Variants in MTMR3 observed in about 807,000 individuals in gnomAD.
The protein encoded by MTMR3 is myotubularin related protein 3.
MTMR3 carries 32 observed loss-of-function variants against 132.4 expected under a neutral mutation model. That is an observed-to-expected ratio of 0.24 (90% confidence interval 0.18 to 0.32). The LOEUF is 0.32. Ranked by LOEUF, MTMR3 falls within the 10% of genes least tolerant of loss-of-function variation. The pLI is 1.00. For missense variants in MTMR3, 1,216 were observed against 1,489.6 expected (o/e 0.82, Z 3.02); for synonymous variants, 556 against 550.3 (o/e 1.01, Z -0.14).
intron 1 of MTMR3, among the ~76,000 whole-genome samples, chr22:29,907,816 G>A (rs977890858): frequency 6.6e-6 from 1 of 152,044 alleles, no homozygotes; most frequent in Non-Finnish European, 1.5e-5. Context: ...CTTTGAAGGA[G>A]TCTTCTGAAA....
rs1009963433 is a variant in MTMR3 at position 30,028,329 on chromosome 22, G to A, written c.*2528G>A. Reference sequence around the variant, plus strand: ...AGACTATGGGTGGGCAGAGAGAACTGGGGGCAGAAATGGAATTAGATGTGA... The same window carrying A: ...AGACTATGGGTGGGCAGAGAGAACTAGGGGCAGAAATGGAATTAGATGTGA... On this transcript the variant is annotated 3_prime_UTR_variant, in exon 20 of 20. Coordinates refer to ENST00000401950, the MANE Select transcript of MTMR3 (RefSeq NM_021090.4). 1 of 152,350 alleles carries A rather than the reference G, an allele frequency of 6.6e-6. No homozygotes were observed. The highest frequency in any genetic ancestry group is 2.4e-5 in the African/African-American group (1 of 41,438). The allele number at this position is 152,350 out of a possible 1,614,324, so 9.4% of individuals were successfully genotyped here. A position where few individuals can be genotyped will look rare whatever the true frequency, so the allele number is the denominator to read the frequency against.
intron 9 of MTMR3, chr22:30,004,590 T>C (rs1435967769): frequency 6.6e-6 from 1 of 152,210 alleles, no homozygotes; most frequent in Admixed American, 6.5e-5. Flanking sequence ...ATGAAAAATT[T>C]TATTTGCAGT....
intron 14 of MTMR3, chr22:30,016,167 G>A (rs1193665546): frequency 4.7e-6 from 1 of 212,036 alleles, no homozygotes; most frequent in African/African-American, 2.3e-5. Flanking sequence ...TTTGTAGAAT[G>A]AACAAGTAGT....
chr22:29,891,192 G>C (rs949953861), intron 1 of MTMR3, among the ~76,000 whole-genome samples: 11 of 151,850 alleles, frequency 7.2e-5, no homozygotes, highest in African/African-American at 2.7e-4. Flanking sequence ...ACTGATTATT[G>C]TGGACTTTAT....
intron 1 of MTMR3, among the ~76,000 whole-genome samples, chr22:29,898,894 T>G (rs1404298664): frequency 1.4e-5 from 2 of 145,814 alleles, no homozygotes; most frequent in Non-Finnish European, 3.0e-5. Context: ...AAAGAAAATT[T>G]ACAAAAATTT....
rs1213890114 is a variant in MTMR3 at position 30,013,472 on chromosome 22, G to A, written c.1434G>A (p.Gln478=). 2 of 1,614,062 alleles carry A rather than the reference G, an allele frequency of 1.2e-6. No homozygotes were observed. Among genetic ancestry groups the A allele is most frequent in the Non-Finnish European group, 1.7e-6 (2 of 1,180,022 alleles). The change falls in exon 14 of 20, where the codon CAG becomes CAA. Residue 478 remains glutamine (Q), a synonymous_variant. Transcript: ENST00000401950. ...ATGAACGTTGCCCAGTGTTTCTGCAGTGGCTTGACTGTGTTCATCAGCTTC... is the reference window on the plus strand; with the variant it reads ...ATGAACGTTGCCCAGTGTTTCTGCAATGGCTTGACTGTGTTCATCAGCTTC... ...DLNERCPVFL[Q]WLDCVHQLQR... is the part of the protein sequence containing the mutation.
Position 29,917,763 on chromosome 22 carries a change from A to G in MTMR3, c.-138+34404A>G, listed in dbSNP as rs76612530. 4.4e-3 allele frequency among the ~76,000 whole-genome samples: 676 copies of G among 152,342 alleles called. 6 individuals are homozygous for G. Among genetic ancestry groups the G allele is most frequent in the African/African-American group, 0.015 (638 of 41,576 alleles). ...CCATCATTGTTACTAGGTAAACAAT[A>G]GAAGCTTATAAAAATATTGTGCATT... On this transcript the variant is annotated intron_variant, in intron 1 of 19. Transcript: ENST00000401950.
At chr22:29,955,088 C>G (rs1281701937) in intron 1 of MTMR3, among the ~76,000 whole-genome samples, 1 of 152,102 alleles carries the variant, frequency 6.6e-6, no homozygotes, top group African/African-American at 2.4e-5. Flanking sequence ...CTCCCGGGCC[C>G]AAGCCATCCT....
intron 1 of MTMR3, among the ~76,000 whole-genome samples, chr22:29,896,479 C>T (rs1314968909): frequency 2.0e-5 from 3 of 152,090 alleles, no homozygotes; most frequent in African/African-American, 7.2e-5. Flanking sequence ...TCTGGCCGGC[C>T]ACTACACTCC....
At chr22:30,012,833 C>T (rs2067468660) in intron 13 of MTMR3, 3 of 312,236 alleles carry the variant, frequency 9.6e-6, no homozygotes, top group Non-Finnish European at 1.7e-5. Context: ...TTTTTAGCTA[C>T]CTCAGGAAAA....
At chr22:29,998,962 G>T in intron 8 of MTMR3, 105 bp downstream of exon 8, 2 of 650,632 alleles carry the variant, frequency 3.1e-6, no homozygotes, top group South Asian at 2.4e-5. Context: ...TATTTGAAAT[G>T]GTTTTATTTA....
intron 1 of MTMR3, among the ~76,000 whole-genome samples, chr22:29,930,695 AG>A (rs965002169): frequency 2.0e-5 from 3 of 151,814 alleles, no homozygotes; most frequent in Non-Finnish European, 4.4e-5. Flanking sequence ...CTGTCTTGAA[AG>A]AGAAAAAAGA....
intron 1 of MTMR3, among the ~76,000 whole-genome samples, chr22:29,927,656 T>A (rs2065543682): frequency 1.3e-5 from 2 of 152,168 alleles, no homozygotes; most frequent in African/African-American, 4.8e-5. Context: ...ACTGATGGCC[T>A]TTCTAAAGCA....
chr22:29,978,256 G>T, intron 3 of MTMR3, 186 bp from the exon 4 acceptor site: 1 of 441,320 alleles, frequency 2.3e-6, no homozygotes. Flanking sequence ...TGTGTTTTCA[G>T]ACTAGATGTA....
At chr22:29,916,165 G>A (rs188957443) in intron 1 of MTMR3, among the ~76,000 whole-genome samples, 118 of 152,066 alleles carry the variant, frequency 7.8e-4, no homozygotes, top group African/African-American at 2.7e-3. Flanking sequence ...CTTTGCCCTC[G>A]GGCTAGTTGA....
rs144758190 is a variant in MTMR3, at chr22:30,023,799, G to C, written c.3425+1102G>C. 614 of 375,518 alleles carry C rather than the reference G, an allele frequency of 1.6e-3. 4 individuals carry two copies. The highest frequency in any genetic ancestry group is 0.012 in the African/African-American group (555 of 47,956). The allele number at this position is 375,518 out of a possible 1,614,324, so 23.3% of individuals were successfully genotyped here. On this transcript the variant is annotated intron_variant, in intron 19 of 19. Transcript: ENST00000401950. Reference sequence around the variant, plus strand: ...GGGTTTTCAGAGCTATTTATTTTGGGTCAGTGATTCATTGAGATGCCAGAA... The same window carrying C: ...GGGTTTTCAGAGCTATTTATTTTGGCTCAGTGATTCATTGAGATGCCAGAA...
At chr22:30,002,645 T>C (rs1319649576) in intron 8 of MTMR3, 2 of 429,856 alleles carry the variant, frequency 4.7e-6, no homozygotes, top group Non-Finnish European at 8.5e-6. Context: ...GTATCATTTG[T>C]TGTATACACA....
chr22:30,016,949 C>T, intron 15 of MTMR3: 1 of 412,530 alleles, frequency 2.4e-6, no homozygotes, highest in Non-Finnish European at 4.3e-6. Flanking sequence ...CCACCCTAGA[C>T]ATGAATCTTT....
At chr22:29,890,195 T>C (rs1322163432) in intron 1 of MTMR3, among the ~76,000 whole-genome samples, 1 of 151,576 alleles carries the variant, frequency 6.6e-6, no homozygotes, top group Non-Finnish European at 1.5e-5. Context: ...CCTGAGCCAC[T>C]GCACCTGGCC....
Sources: gnomAD v4.1 joint callset for allele counts (sites outside exome capture counted in the v4.1 genomes callset) on GRCh38, gnomAD v4.1.1 for gene constraint, MANE v1.5 for transcripts, NCBI Gene and HGNC (gene_info 2026-07-23, HGNC 2026-07-21) for gene names.